Variants in PLEKHG1 observed in about 807,000 individuals in gnomAD.
PLEKHG1 encodes pleckstrin homology domain-containing family G member 1.
Under a neutral mutation model 100.8 loss-of-function variants are expected in PLEKHG1, and 44 were observed. The ratio of observed to expected loss-of-function variants is 0.44; its 90% CI spans 0.34 to 0.56. The LOEUF is 0.56. PLEKHG1 is among the 20% of genes least tolerant of loss of function. The pLI is 0.01. For synonymous variants in PLEKHG1, 640 were observed against 662.5 expected (o/e 0.97, Z 0.52); for missense variants, 1,545 against 1,720.9 (o/e 0.90, Z 1.81).
chr6:150,826,534 T>G (rs1776621106), intron 14 of PLEKHG1, among the ~76,000 whole-genome samples: 1 of 152,170 alleles, frequency 6.6e-6, no homozygotes, highest in Non-Finnish European at 1.5e-5. Flanking sequence ...AGGAGAAAAG[T>G]TCATTCAGGC....
At chr6:150,837,702 A>G (rs570132554) in intron 15 of PLEKHG1, among the ~76,000 whole-genome samples, 50 of 152,336 alleles carry the variant, frequency 3.3e-4, no homozygotes, top group African/African-American at 1.2e-3. Flanking sequence ...ACTAATGACT[A>G]TATTAAAGGT....
intron 1 of PLEKHG1, 96 bp from the exon 3 acceptor site, chr6:150,733,488 G>A (rs1224682175): frequency 9.2e-7 from 1 of 1,081,552 alleles, no homozygotes; most frequent in Non-Finnish European, 1.3e-6. Context: ...CCTTGTTATT[G>A]ACTGTATTTA....
rs781560755 is a variant in PLEKHG1 at position 150,812,914 on chromosome 6, A to G, written c.1278+3180A>G. ...AACTTTGAGGTGGACTTGGGGGAAG[A>G]CAAAGGGTTCGATTTCACTCGTGCA... On this transcript the variant is annotated intron_variant, in intron 10 of 15. Transcript: ENST00000358517. Among the ~76,000 whole-genome samples, 195 of 152,226 alleles carry G rather than the reference A, an allele frequency of 1.3e-3. 1 individual carries two copies. Among genetic ancestry groups the G allele is most frequent in the Non-Finnish European group, 9.6e-4 (65 of 68,004 alleles).
chr6:150,607,888 A>G (rs1180334460), intron 1 of PLEKHG1, among the ~76,000 whole-genome samples: 2 of 152,002 alleles, frequency 1.3e-5, no homozygotes, highest in Admixed American at 1.3e-4. Flanking sequence ...AAATATTTGG[A>G]AGCTTTGGGA....
chr6:150,710,028 T>C (rs972175666), intron 3 of PLEKHG1, among the ~76,000 whole-genome samples: 5 of 152,194 alleles, frequency 3.3e-5, no homozygotes, highest in Non-Finnish European at 7.3e-5. Context: ...ATTATTAAAT[T>C]ACTAGGCTGA....
chr6:150,832,395 G>C (rs139557675), intron 15 of PLEKHG1, among the ~76,000 whole-genome samples, 190 bp downstream of exon 16: 1 of 152,318 alleles, frequency 6.6e-6, no homozygotes, highest in Non-Finnish European at 1.5e-5. Context: ...CCACATTGTA[G>C]CATGATTTGG....
At position 150,628,527 on chromosome 6, in the gene PLEKHG1, AACACACACACACAC is replaced by A. The variant is rs565121317; in HGVS notation, c.-203-9516_-203-9503del. ...TTTTGGGATGGTATGTAGATAGGAA[AACACACACACACAC>A]ACACACACACACACACACACACACA... On this transcript the variant is annotated intron_variant, in intron 1 of 3. Coordinates refer to the PLEKHG1 transcript ENST00000367326. 5.0e-4 allele frequency among the ~76,000 whole-genome samples: 47 copies of A among 94,788 alleles called. 1 individual carries two copies. The highest frequency in any genetic ancestry group is 2.1e-3 in the Admixed American group (16 of 7,802). 62.2% of individuals were successfully genotyped at this position (94,788 alleles called of 152,430 possible).
chr6:150,797,945 C>T (rs1562527168), intron 5 of PLEKHG1, among the ~76,000 whole-genome samples: 1 of 151,120 alleles, frequency 6.6e-6, no homozygotes, highest in African/African-American at 2.4e-5. Flanking sequence ...CCTGCTTTCC[C>T]CAGTTTCCCC....
chr6:150,650,378 ACTC>A (rs1372656152), intron 2 of PLEKHG1, among the ~76,000 whole-genome samples: 1 of 152,108 alleles, frequency 6.6e-6, no homozygotes, highest in East Asian at 1.9e-4. Flanking sequence ...AAGTCACTGA[ACTC>A]CTCTGTTTAC....
rs112691721 is a variant in PLEKHG1 at position 150,785,868 on chromosome 6, C to T, written c.513-522C>T. On this transcript the variant is annotated intron_variant, in intron 3 of 15. Transcript: ENST00000358517. ...CACACCCTATTGTGAACTGTGCATG[C>T]GTGGGATCTAGGTTATGAGAATCTA... Among the ~76,000 whole-genome samples, 203 of 152,154 alleles carry T rather than the reference C, an allele frequency of 1.3e-3. 1 individual carries two copies. The highest frequency in any genetic ancestry group is 4.3e-3 in the African/African-American group (178 of 41,508).
intron 1 of PLEKHG1, among the ~76,000 whole-genome samples, chr6:150,726,867 T>C (rs1583011632): frequency 6.6e-6 from 1 of 152,206 alleles, no homozygotes; most frequent in African/African-American, 2.4e-5. Flanking sequence ...AAGATGCTCC[T>C]CAAATACCTA....
At chr6:150,702,588 G>GTGTGTGTGTGTGTGTGTGTGTA (rs1562447502) in intron 3 of PLEKHG1, among the ~76,000 whole-genome samples, 1 of 151,720 alleles carries the variant, frequency 6.6e-6, no homozygotes, top group African/African-American at 2.4e-5. Context: ...GTGTGTGTGT[G>GTGTGTGTGTGTGTGTGTGTGTA]TGTACTTATA....
intron 10 of PLEKHG1, among the ~76,000 whole-genome samples, chr6:150,814,707 T>TTTTTG (rs756959999): frequency 3.2e-4 from 49 of 152,248 alleles, no homozygotes; most frequent in East Asian, 2.1e-3. Flanking sequence ...AAAACACCTT[T>TTTTTG]TTTTGTTTTG....
exon 16 of PLEKHG1, chr6:150,842,675 AAAGAT>A (rs1246943034): frequency 6.6e-6 from 1 of 152,200 alleles, no homozygotes; most frequent in Non-Finnish European, 1.5e-5. Context: ...AATGATCAAA[AAAGAT>A]AAGTACCACA....
At chr6:150,806,524 A>G (rs1787114621) in intron 7 of PLEKHG1, among the ~76,000 whole-genome samples, 1 of 151,992 alleles carries the variant, frequency 6.6e-6, no homozygotes, top group Non-Finnish European at 1.5e-5. Context: ...GTCTCTACTG[A>G]AAATATAAAA....
At chr6:150,626,607 C>T (rs1363921066) in intron 1 of PLEKHG1, among the ~76,000 whole-genome samples, 1 of 152,162 alleles carries the variant, frequency 6.6e-6, no homozygotes, top group Non-Finnish European at 1.5e-5. Flanking sequence ...ACCCTGCTGG[C>T]AAGCATTTTT....
chr6:150,795,704 A>C lies in PLEKHG1; in HGVS notation c.583-152A>C, dbSNP rs1416313862. Reference sequence around the variant, plus strand: ...GCCATTGTACTCCAGCCTGGCCAACAAGAGCAAAACTCCGCCTAAAAAAAA... The same window carrying C: ...GCCATTGTACTCCAGCCTGGCCAACCAGAGCAAAACTCCGCCTAAAAAAAA... On this transcript the variant is annotated intron_variant, in intron 4 of 15. Coordinates refer to ENST00000358517, the Ensembl canonical transcript of PLEKHG1. 15 of 344,376 alleles carry C rather than the reference A, an allele frequency of 4.4e-5. 1 individual carries two copies. In the East Asian group the frequency reaches 7.0e-4, roughly 16 times the overall value. 21.3% of individuals were successfully genotyped at this position (344,376 alleles called of 1,614,324 possible).
intron 2 of PLEKHG1, among the ~76,000 whole-genome samples, chr6:150,639,545 CTT>C (rs1160137411): frequency 1.4e-5 from 2 of 144,740 alleles, no homozygotes; most frequent in Admixed American, 7.0e-5. Context: ...TGTTCCTATC[CTT>C]TTTTTTTTTT....
intron 4 of PLEKHG1, 61 bp downstream of exon 5, chr6:150,786,520 T>C: frequency 9.1e-7 from 1 of 1,104,738 alleles, no homozygotes; most frequent in South Asian, 1.4e-5. Context: ...AATTTTTCAT[T>C]TTAAAGTTAA....
Sources: allele counts gnomAD v4.1 joint callset (sites outside exome capture counted in the v4.1 genomes callset), GRCh38; gene constraint gnomAD v4.1.1; transcripts MANE v1.5; gene names NCBI Gene and HGNC (gene_info 2026-07-23, HGNC 2026-07-21).